The following FMN2 variants were observed in gnomAD, a reference collection of about 807,000 sequenced individuals.
FMN2 encodes the protein formin-2.
A neutral mutation model predicts 142.3 loss-of-function variants in FMN2; 51 were observed. The observed-to-expected ratio is 0.36, with a 90% CI of 0.29 to 0.45. The LOEUF (loss-of-function observed/expected upper bound fraction) is 0.45. Among genes scored for constraint, FMN2 ranks in the 20% least tolerant of loss-of-function variants. FMN2 has a pLI of 1.00. For synonymous variants in FMN2, 882 were observed against 869.8 expected (o/e 1.01, Z -0.25); for missense variants, 1,936 against 2,122.8 (o/e 0.91, Z 1.73).
chr1:240,340,197 TTAAA>T (rs1330308099), intron 13 of FMN2, among the ~76,000 whole-genome samples: 1 of 152,188 alleles, frequency 6.6e-6, no homozygotes, highest in Non-Finnish European at 1.5e-5. Context: ...ATGAATATAT[TTAAA>T]TAATTACTGT....
chr1:240,346,975 C>T (rs1457935590), intron 13 of FMN2, among the ~76,000 whole-genome samples: 1 of 152,018 alleles, frequency 6.6e-6, no homozygotes, highest in Middle Eastern at 3.2e-3. Flanking sequence ...ATTTTATGGT[C>T]AACAATTCAA....
chr1:240,319,553 A>G (rs561639911), intron 8 of FMN2, among the ~76,000 whole-genome samples: 20 of 152,332 alleles, frequency 1.3e-4, no homozygotes, highest in African/African-American at 4.6e-4. Context: ...GATGTGGTAT[A>G]CAACAATTCC....
chr1:240,375,780 G>T (rs1261497661), intron 14 of FMN2, among the ~76,000 whole-genome samples: 1 of 152,000 alleles, frequency 6.6e-6, no homozygotes, highest in East Asian at 1.9e-4. Flanking sequence ...AGGTTTTCAG[G>T]GTATTGTATA....
chr1:240,423,395 C>T (rs1414660), intron 15 of FMN2, among the ~76,000 whole-genome samples: 38,150 of 152,048 alleles, frequency 0.25, 5,673 homozygotes, highest in African/African-American at 0.4. Flanking sequence ...AAATCCAACA[C>T]TGCACAATAA....
intron 16 of FMN2, among the ~76,000 whole-genome samples, chr1:240,468,206 A>ATGTGTGTGTG (rs199866888): frequency 0.025 from 3,723 of 147,912 alleles, 182 homozygotes; most frequent in African/African-American, 0.089. Flanking sequence ...ATATATATAT[A>ATGTGTGTGTG]TGTGTGTGTG....
At chr1:240,282,009 TTA>T (rs1669411459) in intron 7 of FMN2, among the ~76,000 whole-genome samples, 1 of 152,196 alleles carries the variant, frequency 6.6e-6, no homozygotes, top group South Asian at 2.1e-4. Flanking sequence ...ATATTTTGCT[TTA>T]TGAGAGCAAA....
chr1:240,212,275 C>T (rs1666719080), intron 6 of FMN2, among the ~76,000 whole-genome samples: 1 of 152,130 alleles, frequency 6.6e-6, no homozygotes, highest in African/African-American at 2.4e-5. Context: ...TTGCCAAATC[C>T]AGCCAGGAGA....
At chr1:240,184,678 G>C (rs1439994754) in intron 3 of FMN2, among the ~76,000 whole-genome samples, 1 of 151,972 alleles carries the variant, frequency 6.6e-6, no homozygotes, top group African/African-American at 2.4e-5. Flanking sequence ...GAGATGATCA[G>C]TCTGTCCTAG....
intron 16 of FMN2, among the ~76,000 whole-genome samples, chr1:240,456,457 A>G (rs1467237370): frequency 6.6e-6 from 1 of 152,006 alleles, no homozygotes; most frequent in Non-Finnish European, 1.5e-5. Flanking sequence ...AATTGTTTTT[A>G]TTTTTTATTT....
intron 16 of FMN2, among the ~76,000 whole-genome samples, chr1:240,452,123 AG>A (rs1676075106): frequency 6.6e-6 from 1 of 151,390 alleles, no homozygotes. Context: ...CCTGGGAGGC[AG>A]GGGTTGCAGT....
intron 13 of FMN2, among the ~76,000 whole-genome samples, chr1:240,339,649 G>C (rs960100029): frequency 6.6e-6 from 1 of 151,982 alleles, no homozygotes; most frequent in Non-Finnish European, 1.5e-5. Flanking sequence ...GAAAAATGTA[G>C]AGAAGAAAAC....
chr1:240,261,736 A>G (rs1002859540), intron 7 of FMN2, among the ~76,000 whole-genome samples: 14 of 152,226 alleles, frequency 9.2e-5, no homozygotes, highest in Non-Finnish European at 1.9e-4. Context: ...AAGTTTATTA[A>G]TGCGGCAAAT....
At chr1:240,325,644 C>T (rs1671149143) in intron 8 of FMN2, among the ~76,000 whole-genome samples, 1 of 152,284 alleles carries the variant, frequency 6.6e-6, no homozygotes, top group South Asian at 2.1e-4. Flanking sequence ...AACACACATA[C>T]ATGTTCTTAC....
intron 7 of FMN2, among the ~76,000 whole-genome samples, chr1:240,262,376 T>G (rs1380520623): frequency 1.3e-5 from 2 of 152,212 alleles, no homozygotes; most frequent in South Asian, 2.1e-4. Flanking sequence ...CTTATGATAT[T>G]TTACAAACAT....
Position 240,210,806 on chromosome 1 carries a change from G to A in FMN2, c.3921-285G>A, listed in dbSNP as rs199608748. Among the ~76,000 whole-genome samples, 22 of 152,220 alleles carry A rather than the reference G, an allele frequency of 1.4e-4. No individual in the cohort carries two copies. The East Asian group carries it at 2.3e-3, about 16-fold the overall frequency. On this transcript the variant is annotated intron_variant, in intron 5 of 17. Transcript: ENST00000319653. ...GCCTCCCTAGCCCACACTGAGATAA[G>A]TTTTCTTTTTACATTTTTATACAGT... is the stretch of plus-strand genomic sequence containing the variant.
chr1:240,136,883 C>G lies in FMN2; in HGVS notation c.1782+13538C>G, dbSNP rs760552795. 4.6e-4 allele frequency among the ~76,000 whole-genome samples: 70 copies of G among 151,894 alleles called. 1 individual carries two copies. Among genetic ancestry groups the G allele is most frequent in the Non-Finnish European group, 5.9e-4 (40 of 67,980 alleles). Reference sequence around the variant, plus strand: ...GTCAGGAGTTTGAGATCAGCCTGACCCACATGGTGAAACCCTGTCTCTACT... The same window carrying G: ...GTCAGGAGTTTGAGATCAGCCTGACGCACATGGTGAAACCCTGTCTCTACT... On this transcript the variant is annotated intron_variant, in intron 2 of 17. Transcript: ENST00000319653.
At chr1:240,451,023 T>C (rs1476279575) in intron 16 of FMN2, among the ~76,000 whole-genome samples, 1 of 152,206 alleles carries the variant, frequency 6.6e-6, no homozygotes, top group Non-Finnish European at 1.5e-5. Context: ...CTTGGAGTTA[T>C]ATGCAGATTC....
intron 1 of FMN2, among the ~76,000 whole-genome samples, chr1:240,094,666 T>G (rs1046206530): frequency 1.3e-5 from 2 of 152,040 alleles, no homozygotes; most frequent in Middle Eastern, 3.2e-3. Flanking sequence ...TGAAATAGAG[T>G]GTTAGAATTT....
chr1:240,277,190 G>A (rs1669244391), intron 7 of FMN2, among the ~76,000 whole-genome samples: 2 of 152,168 alleles, frequency 1.3e-5, no homozygotes, highest in Admixed American at 6.6e-5. Context: ...CATTTTGGTG[G>A]ATTGTTGGAT....
Sources: allele counts gnomAD v4.1 joint callset (sites outside exome capture counted in the v4.1 genomes callset), GRCh38; gene constraint gnomAD v4.1.1; transcripts MANE v1.5; gene names NCBI Gene and HGNC (gene_info 2026-07-23, HGNC 2026-07-21).